AGBL4: variants seen among roughly 807,000 people sequenced by gnomAD.
The protein encoded by AGBL4 is AGBL carboxypeptidase 4.
In AGBL4, 58 loss-of-function variants were observed where a neutral mutation model predicts 66.4. That is an observed-to-expected ratio of 0.87 (90% CI 0.71 to 1.09). The LOEUF (loss-of-function observed/expected upper bound fraction) is 1.09. Among genes scored for constraint, AGBL4 ranks in the 50% least tolerant of loss-of-function variants. The probability of loss-of-function intolerance (pLI) is 0.00; values close to 1 mark genes in which losing one functional copy is unlikely to be tolerated. For synonymous variants in AGBL4, 234 were observed against 222.9 expected (o/e 1.05, Z -0.44); for missense variants, 579 against 631.0 (o/e 0.92, Z 0.88).
At chr1:49,731,585 C>T (rs532252759) in intron 2 of AGBL4, among the ~76,000 whole-genome samples, 1 of 152,196 alleles carries the variant, frequency 6.6e-6, no homozygotes, top group East Asian at 1.9e-4. Context: ...ATCAATTAGG[C>T]ATCAAGGGCT....
intron 2 of AGBL4, among the ~76,000 whole-genome samples, chr1:49,836,893 G>A (rs1410605975): frequency 1.3e-5 from 2 of 152,162 alleles, no homozygotes; most frequent in South Asian, 2.1e-4. Context: ...ATTTGCCTGA[G>A]TATCACCAGC....
At chr1:49,728,801 T>A (rs981037665) in intron 2 of AGBL4, among the ~76,000 whole-genome samples, 1 of 152,160 alleles carries the variant, frequency 6.6e-6, no homozygotes, top group African/African-American at 2.4e-5. Context: ...GACTCAGGAA[T>A]TATTCAGCTC....
At chr1:49,388,888 G>T (rs529077857) in intron 3 of AGBL4, among the ~76,000 whole-genome samples, 5 of 152,220 alleles carry the variant, frequency 3.3e-5, no homozygotes, top group African/African-American at 1.2e-4. Flanking sequence ...AATGGCTGAG[G>T]TTCCTCTAAG....
chr1:49,770,431 T>C (rs1644022111), intron 2 of AGBL4, among the ~76,000 whole-genome samples: 2 of 152,204 alleles, frequency 1.3e-5, no homozygotes, highest in South Asian at 4.1e-4. Context: ...TGCCGGTGTC[T>C]TTTTGATAAT....
Position 49,948,553 on chromosome 1 carries a change from A to G in AGBL4, c.34+75210T>C, listed in dbSNP as rs1428444043. Among the ~76,000 whole-genome samples, 5 of 115,224 alleles carry G rather than the reference A, an allele frequency of 4.3e-5. No homozygotes were observed. The Admixed American group carries it at 5.3e-4, about 12-fold the overall frequency. The allele number at this position is 115,224 out of a possible 152,430, so 75.6% of individuals were successfully genotyped here. A position where few individuals can be genotyped will look rare whatever the true frequency, so the allele number is the denominator to read the frequency against. ...TATATATAAATATATAAATATATAT[A>G]AATATATAAAAATATATATATATAT... is the stretch of plus-strand genomic sequence containing the variant. On this transcript the variant is annotated intron_variant, in intron 1 of 13. Transcript: ENST00000371839.
At chr1:48,626,702 G>A (rs1357375270) in intron 9 of AGBL4, among the ~76,000 whole-genome samples, 3 of 150,834 alleles carry the variant, frequency 2.0e-5, no homozygotes, top group African/African-American at 7.4e-5. Context: ...CACCCTGGCA[G>A]AGGACTTCAT....
intron 4 of AGBL4, among the ~76,000 whole-genome samples, chr1:49,172,845 G>T (rs1646763411): frequency 6.6e-6 from 1 of 152,172 alleles, no homozygotes; most frequent in South Asian, 2.1e-4. Flanking sequence ...AGTACTCTAG[G>T]CTGGGCGCAG....
chr1:49,463,166 T>G (rs1018692644), intron 3 of AGBL4, among the ~76,000 whole-genome samples: 6 of 151,538 alleles, frequency 4.0e-5, no homozygotes, highest in Non-Finnish European at 8.9e-5. Context: ...GATGGAAAAA[T>G]AGATGTAGTT....
chr1:49,194,841 G>GTTT (rs200420257), intron 4 of AGBL4, among the ~76,000 whole-genome samples: 2 of 139,796 alleles, frequency 1.4e-5, no homozygotes, highest in African/African-American at 5.2e-5. Context: ...TCATTGATCT[G>GTTT]TTTTTTTTTT....
intron 3 of AGBL4, among the ~76,000 whole-genome samples, chr1:49,525,795 T>C (rs1289649005): frequency 6.6e-6 from 1 of 151,896 alleles, no homozygotes; most frequent in East Asian, 1.9e-4. Context: ...TGCATAAACA[T>C]TAGGCCTCTG....
intron 3 of AGBL4, among the ~76,000 whole-genome samples, chr1:49,258,029 C>G (rs1381773548): frequency 6.6e-6 from 1 of 152,160 alleles, no homozygotes. Flanking sequence ...CTGCAGACCC[C>G]GCTGCTGATA....
chr1:49,948,327 AACATATATAAATATAT>A (rs1655654333), intron 1 of AGBL4, among the ~76,000 whole-genome samples: 1 of 110,444 alleles, frequency 9.1e-6, no homozygotes, highest in Non-Finnish European at 1.7e-5. Flanking sequence ...TAAATATATA[AACATATATAAATATAT>A]AAATATATAT....
intron 4 of AGBL4, among the ~76,000 whole-genome samples, chr1:49,213,585 C>T (rs896356171): frequency 1.2e-4 from 18 of 152,116 alleles, no homozygotes; most frequent in African/African-American, 4.1e-4. Context: ...TAGGCCTCCC[C>T]AGAAGCAGTT....
At chr1:49,851,667 G>T in intron 1 of AGBL4, 149 bp from the exon 2 acceptor site, 2 of 723,878 alleles carry the variant, frequency 2.8e-6, no homozygotes, top group Non-Finnish European at 4.2e-6. Context: ...GTGAAAAAAG[G>T]CTACATTTTG....
At chr1:49,113,999 A>G (rs1645466292) in intron 4 of AGBL4, among the ~76,000 whole-genome samples, 1 of 152,228 alleles carries the variant, frequency 6.6e-6, no homozygotes, top group Non-Finnish European at 1.5e-5. Context: ...GTCAGTGAGC[A>G]TTGGCTTCAA....
At chr1:49,113,626 T>A (rs1645458308) in intron 4 of AGBL4, among the ~76,000 whole-genome samples, 1 of 152,200 alleles carries the variant, frequency 6.6e-6, no homozygotes. Context: ...CCTAGACCCA[T>A]CAGAGAAATC....
intron 4 of AGBL4, among the ~76,000 whole-genome samples, chr1:49,100,269 G>A (rs1199147828): frequency 1.3e-5 from 2 of 152,280 alleles, no homozygotes; most frequent in South Asian, 2.1e-4. Flanking sequence ...AAGTTGGGCC[G>A]AGATAACCAG....
intron 5 of AGBL4, among the ~76,000 whole-genome samples, chr1:48,947,211 G>GGCC (rs1378158579): frequency 6.6e-6 from 1 of 152,146 alleles, no homozygotes. Flanking sequence ...GCCTCCCCTT[G>GGCC]TATGTTTTCT....
At chr1:49,427,784 T>A (rs1036547848) in intron 3 of AGBL4, among the ~76,000 whole-genome samples, 1 of 152,244 alleles carries the variant, frequency 6.6e-6, no homozygotes, top group African/African-American at 2.4e-5. Context: ...TTGCTGCTGC[T>A]GGCTGGGTGG....
Sources: allele counts gnomAD v4.1 joint callset (sites outside exome capture counted in the v4.1 genomes callset), GRCh38; gene constraint gnomAD v4.1.1; transcripts MANE v1.5; gene names NCBI Gene and HGNC (gene_info 2026-07-23, HGNC 2026-07-21).